The following C1QTNF1 variants were observed in gnomAD, a reference collection of about 807,000 sequenced individuals.
C1QTNF1 encodes the protein complement C1q tumor necrosis factor-related protein 1.
Under a neutral mutation model 27.8 loss-of-function variants are expected in C1QTNF1, and 22 were observed. The ratio of observed to expected loss-of-function variants is 0.79; its 90% CI spans 0.56 to 1.13. The LOEUF (loss-of-function observed/expected upper bound fraction) is 1.13, where lower values mean the gene tolerates loss of function less well. Ranked by LOEUF, C1QTNF1 falls within the 50% of genes most tolerant of loss-of-function variation. The pLI, the probability that C1QTNF1 is intolerant of heterozygous loss-of-function variation, is 0.00. For synonymous variants in C1QTNF1, 166 were observed against 154.3 expected (o/e 1.08, Z -0.56); for missense variants, 373 against 380.2 (o/e 0.98, Z 0.16).
intron 1 of C1QTNF1, chr17:79,043,194 T>C (rs546856949): frequency 1.4e-4 from 62 of 446,996 alleles, no homozygotes; most frequent in Non-Finnish European, 2.4e-4. Context: ...TGTAAAAGTG[T>C]GCATGTGTGT....
At chr17:79,034,356 G>A (rs2072214401) in intron 1 of C1QTNF1, 1 of 152,386 alleles carries the variant, frequency 6.6e-6, no homozygotes, top group Non-Finnish European at 1.5e-5. Flanking sequence ...CAGCTGGGAG[G>A]TGAGCTGAGG....
rs747658949 is a variant in C1QTNF1, at chr17:79,047,689, G to A, written c.447G>A (p.Ser149=). The change falls in exon 4 of 4, where the codon TCG becomes TCA. Residue 149 remains serine (S), a synonymous_variant. Transcript: ENST00000579760. Reference sequence around the variant, plus strand: ...GCAAGAGCCACTACGCCGCCTTTTCGGTGGGCCGGAAGAAGCCCATGCACA... The same window carrying A: ...GCAAGAGCCACTACGCCGCCTTTTCAGTGGGCCGGAAGAAGCCCATGCACA... The part of the protein sequence containing the change: ...ERCKSHYAAF[S]VGRKKPMHSN... 1 of 1,614,074 alleles carries A rather than the reference G, an allele frequency of 6.2e-7. No homozygotes were observed. Among genetic ancestry groups the A allele is most frequent in the Non-Finnish European group, 8.5e-7 (1 of 1,179,984 alleles).
intron 1 of C1QTNF1, among the ~76,000 whole-genome samples, chr17:79,042,586 C>G (rs950381837): frequency 6.6e-5 from 10 of 152,256 alleles, no homozygotes; most frequent in Non-Finnish European, 2.9e-5. Context: ...TCCTACCCAC[C>G]TACCCACCGG....
chr17:79,029,960 T>C (rs1599281369), intron 1 of C1QTNF1, among the ~76,000 whole-genome samples: 1 of 152,272 alleles, frequency 6.6e-6, no homozygotes, highest in Middle Eastern at 3.4e-3. Flanking sequence ...AAACACCTGT[T>C]GAACAAATGA....
At position 79,047,925 on chromosome 17, in the gene C1QTNF1, G is replaced by T. The variant is rs546733985; in HGVS notation, c.683G>T (p.Arg228Leu). ...ATCTTGTTCGCGCAGGTGGGCGACC[G>T]CAGCATCATGCAAAGCCAGAGCCTG... ...VVILFAQVGD[R>L]SIMQSQSLML... The change falls in exon 4 of 4, where the codon CGC becomes CTC. Residue 228 changes from arginine (R) to leucine (L), a missense_variant. Physicochemically the swap from Arg to Leu is moderately radical, Grantham distance 102. Coordinates refer to ENST00000579760, the MANE Select transcript of C1QTNF1 (RefSeq NM_030968.5). 1 of 1,613,954 alleles carries T rather than the reference G, an allele frequency of 6.2e-7. No individual in the cohort carries two copies. Among genetic ancestry groups the T allele is most frequent in the Non-Finnish European group, 8.5e-7 (1 of 1,179,958 alleles).
rs149254734 is a variant in C1QTNF1, at chr17:79,041,062, C to T, written c.-14-2893C>T. 3.9e-3 allele frequency among the ~76,000 whole-genome samples: 592 copies of T among 152,282 alleles called. 5 individuals carry two copies. The highest frequency in any genetic ancestry group is 0.022 in the East Asian group (112 of 5,176). ...GGAAATGTTCTCAAACCTAACTAGACGGATAGCTGGAGAGAGAACTTAGAT... is the reference window on the plus strand; with the variant it reads ...GGAAATGTTCTCAAACCTAACTAGATGGATAGCTGGAGAGAGAACTTAGAT... On this transcript the variant is annotated intron_variant, in intron 1 of 3. Coordinates refer to ENST00000579760, the MANE Select transcript of C1QTNF1 (RefSeq NM_030968.5).
intron 2 of C1QTNF1, 54 bp downstream of exon 2, chr17:79,044,177 C>G: frequency 6.7e-7 from 1 of 1,501,870 alleles, no homozygotes; most frequent in East Asian, 2.4e-5. Flanking sequence ...CCAGGCTGAG[C>G]CTGGGCCTTG....
At chr17:79,044,391 GCCTCCTTA>G (rs913424439) in intron 2 of C1QTNF1, among the ~76,000 whole-genome samples, 1 of 152,198 alleles carries the variant, frequency 6.6e-6, no homozygotes, top group African/African-American at 2.4e-5. Flanking sequence ...CTTTGCAGCT[GCCTCCTTA>G]AGAGCAGACC....
chr17:79,046,497 A>G lies in C1QTNF1; in HGVS notation c.156-58A>G. On this transcript the variant is annotated intron_variant, in intron 2 of 3. Coordinates refer to ENST00000579760, the MANE Select transcript of C1QTNF1 (RefSeq NM_030968.5). The surrounding 1 kb of genome is among the most constrained non-coding windows in gnomAD (Gnocchi z 4.8). ...GCCAGAACCACTGGCAGCAGGAGAG[A>G]GCAGCGTTTCCAGGCCTGAGAGTGG... The G allele has an allele frequency of 6.2e-7, 1 of 1,607,868 alleles. No homozygotes were observed. The highest frequency in any genetic ancestry group is 8.5e-7 in the Non-Finnish European group (1 of 1,175,908).
At position 79,044,046 on chromosome 17, in the gene C1QTNF1, T is replaced by A; in HGVS notation, c.78T>A (p.Arg26=). Reference sequence around the variant, plus strand: ...TTGCCTCTGGCCTGGTCCTGAGTCGTGTGCCCCATGTCCAGGGGGAACAGC... The same window carrying A: ...TTGCCTCTGGCCTGGTCCTGAGTCGAGTGCCCCATGTCCAGGGGGAACAGC... ...LAFASGLVLS[R]VPHVQGEQQE... The change falls in exon 2 of 4, where the codon CGT becomes CGA. Residue 26 remains arginine, a synonymous_variant. Transcript: ENST00000579760. 2 of 1,613,910 alleles carry A rather than the reference T, an allele frequency of 1.2e-6. No individual in the cohort carries two copies. The highest frequency in any genetic ancestry group is 8.5e-7 in the Non-Finnish European group (1 of 1,179,950).
At chr17:79,030,319 T>TTGTG (rs142110810) in intron 1 of C1QTNF1, among the ~76,000 whole-genome samples, 4,740 of 147,894 alleles carry the variant, frequency 0.032, 260 homozygotes, top group African/African-American at 0.11. Context: ...CTTTGTGGTT[T>TTGTG]TGTGTGTGTG....
chr17:79,044,150 A>G, intron 2 of C1QTNF1, 27 bp downstream of exon 2: 1 of 1,571,986 alleles, frequency 6.4e-7, no homozygotes, highest in Non-Finnish European at 8.6e-7. Flanking sequence ...GTGTAATAGC[A>G]GGAGCTCTGG....
Position 79,048,386 on chromosome 17 carries a change from C to T in C1QTNF1, c.*298C>T. 2.9e-6 allele frequency: 1 copy of T among 347,516 alleles called. No homozygotes were observed. Among genetic ancestry groups the T allele is most frequent in the Admixed American group, 4.3e-5 (1 of 23,300 alleles). The allele number at this position is 347,516 out of a possible 1,614,324, so 21.5% of individuals were successfully genotyped here. On this transcript the variant is annotated 3_prime_UTR_variant, in exon 4 of 4. Transcript: ENST00000579760. ...CGGCGAGACGCGGGTGGCGGCAGGG[C>T]GTCCCAGGGTGCGGCACCGCGGCTC... is the stretch of plus-strand genomic sequence containing the variant.
intron 1 of C1QTNF1, 152 bp from the exon 2 acceptor site, chr17:79,043,803 C>A: frequency 1.2e-6 from 1 of 814,072 alleles, no homozygotes; most frequent in Non-Finnish European, 2.1e-6. Context: ...ATTGTCCTCC[C>A]AGAAGCTGTG....
chr17:79,025,861 C>G, intron 1 of C1QTNF1: 1 of 421,784 alleles, frequency 2.4e-6, no homozygotes, highest in South Asian at 1.7e-5. Flanking sequence ...GTCCACCCAA[C>G]AACAACAGTG....
rs2072628164 is a variant in C1QTNF1 at position 79,047,745 on chromosome 17, A to T, written c.503A>T (p.Asp168Val). ...CACTACTACCAGACGGTGATCTTCGACACGGAGTTCGTGAACCTCTACGAC... is the reference window on the plus strand; with the variant it reads ...CACTACTACCAGACGGTGATCTTCGTCACGGAGTTCGTGAACCTCTACGAC... ...SNHYYQTVIF[D>V]TEFVNLYDHF... The change falls in exon 4 of 4, where the codon GAC becomes GTC. Residue 168 changes from aspartate to valine, a missense_variant. Coordinates refer to ENST00000579760, the MANE Select transcript of C1QTNF1 (RefSeq NM_030968.5). 6.2e-7 allele frequency: 1 copy of T among 1,614,146 alleles called. No individual in the cohort carries two copies. The highest frequency in any genetic ancestry group is 1.7e-5 in the Admixed American group (1 of 60,026).
rs1840326158 is a variant in C1QTNF1 at position 79,047,738 on chromosome 17, A to T, written c.496A>T (p.Ile166Phe). The change falls in exon 4 of 4, where the codon ATC becomes TTC. Residue 166 changes from isoleucine to phenylalanine, a missense_variant. Transcript: ENST00000579760. ...MHSNHYYQTVIFDTEFVNLYD... is the reference protein window; with the variant it reads ...MHSNHYYQTVFFDTEFVNLYD... ...CAGCAACCACTACTACCAGACGGTG[A>T]TCTTCGACACGGAGTTCGTGAACCT... 2 of 1,614,038 alleles carry T rather than the reference A, an allele frequency of 1.2e-6. No homozygotes were observed. Among genetic ancestry groups the T allele is most frequent in the African/African-American group, 2.7e-5 (2 of 74,912 alleles).
At chr17:79,030,584 CCTTT>C (rs1402583853) in intron 1 of C1QTNF1, among the ~76,000 whole-genome samples, 1 of 142,884 alleles carries the variant, frequency 7.0e-6, no homozygotes, top group African/African-American at 2.6e-5. Flanking sequence ...TTCCTTCCTT[CCTTT>C]CTTTTTCTTT....
intron 3 of C1QTNF1, 75 bp from the exon 4 acceptor site, chr17:79,047,463 G>T: frequency 7.1e-7 from 1 of 1,406,096 alleles, no homozygotes; most frequent in Non-Finnish European, 9.6e-7. Flanking sequence ...GCCAGGGACC[G>T]GAGAGTGAGC....
Sources: gnomAD v4.1 joint callset for allele counts (sites outside exome capture counted in the v4.1 genomes callset) on GRCh38, gnomAD v4.1.1 for gene constraint, Gnocchi (gnomAD v3.1) non-coding constraint, MANE v1.5 for transcripts, NCBI Gene and HGNC (gene_info 2026-07-23, HGNC 2026-07-21) for gene names.